The following STXBP5 variants were observed in gnomAD, a reference collection of about 807,000 sequenced individuals.
STXBP5 encodes the protein syntaxin-binding protein 5.
In STXBP5, 50 loss-of-function variants were observed where a neutral mutation model predicts 152.4. That is an observed-to-expected ratio of 0.33 (90% CI 0.26 to 0.42). The LOEUF (loss-of-function observed/expected upper bound fraction) is 0.42, where lower values mean the gene tolerates loss of function less well. STXBP5 is among the 10% of genes least tolerant of loss of function. The pLI, the probability that STXBP5 is intolerant of heterozygous loss-of-function variation, is 1.00. For synonymous variants in STXBP5, 492 were observed against 494.7 expected (o/e 0.99, Z 0.07); for missense variants, 1,167 against 1,388.6 (o/e 0.84, Z 2.54).
At chr6:147,357,233 T>C (rs1404183400) in intron 22 of STXBP5, among the ~76,000 whole-genome samples, 1 of 151,906 alleles carries the variant, frequency 6.6e-6, no homozygotes, top group African/African-American at 2.4e-5. Context: ...CTTCAGGAAG[T>C]TGACAGTAAC....
chr6:147,255,298 G>A lies in STXBP5; in HGVS notation c.432-5317G>A, dbSNP rs1779300814. On this transcript the variant is annotated intron_variant, in intron 4 of 27. Transcript: ENST00000321680. The stretch of plus-strand genomic sequence containing the variant: ...ACAGAAGTGAACATGATACGCTGAG[G>A]CGTGTCGGAGGGTGAGAGGCTAGGG... Among the ~76,000 whole-genome samples, 4 of 152,122 alleles carry A rather than the reference G, an allele frequency of 2.6e-5. No individual in the cohort carries two copies. The South Asian group carries it at 8.3e-4, about 31-fold the overall frequency.
intron 27 of STXBP5, 114 bp from the exon 28 acceptor site, chr6:147,384,600 G>A (rs1048579603): frequency 1.2e-5 from 12 of 1,010,210 alleles, no homozygotes; most frequent in Non-Finnish European, 1.8e-5. Context: ...GCATATAGTA[G>A]CACTACAGAA....
Position 147,237,341 on chromosome 6 carries a change from A to C in STXBP5, c.331-1829A>C, listed in dbSNP as rs1778328364. ...GTTTTTTTTGTTTTAAAAAGTGGAA[A>C]TCTGACAATTAGGTGCACCTATTTG... On this transcript the variant is annotated intron_variant, in intron 3 of 27. Transcript: ENST00000321680. Among the ~76,000 whole-genome samples, 3 of 152,226 alleles carry C rather than the reference A, an allele frequency of 2.0e-5. No individual in the cohort carries two copies. In the South Asian group the frequency reaches 6.2e-4, roughly 32 times the overall value.
intron 2 of STXBP5, among the ~76,000 whole-genome samples, chr6:147,214,377 A>G (rs1386606852): frequency 6.6e-6 from 1 of 152,146 alleles, no homozygotes; most frequent in Non-Finnish European, 1.5e-5. Context: ...TTACCATGTA[A>G]CTTATCTTTT....
At chr6:147,243,574 TTTAA>T (rs2115233881) in intron 4 of STXBP5, among the ~76,000 whole-genome samples, 1 of 152,302 alleles carries the variant, frequency 6.6e-6, no homozygotes, top group South Asian at 2.1e-4. Flanking sequence ...ATATTTCCTA[TTTAA>T]TTAAGTTTAG....
intron 2 of STXBP5, among the ~76,000 whole-genome samples, chr6:147,230,498 T>TA (rs1777944641): frequency 6.6e-6 from 1 of 152,010 alleles, no homozygotes; most frequent in Non-Finnish European, 1.5e-5. Context: ...TACTACAAGT[T>TA]ACATTTGGTC....
Position 147,363,708 on chromosome 6 carries a change from A to G in STXBP5, c.2915+4A>G. ...ATGGACATATAATGACTTTTAGGTA[A>G]GAGTTAGATATGTTTTAAAACACAG... is the stretch of plus-strand genomic sequence containing the variant. On this transcript the variant is annotated splice_donor_region_variant and intron_variant, in intron 24 of 27. Coordinates refer to ENST00000321680, the MANE Select transcript of STXBP5 (RefSeq NM_001127715.4). 1 of 1,596,988 alleles carries G rather than the reference A, an allele frequency of 6.3e-7. No homozygotes were observed.
chr6:147,279,821 C>A (rs968949754), intron 8 of STXBP5, among the ~76,000 whole-genome samples: 1 of 152,030 alleles, frequency 6.6e-6, no homozygotes, highest in African/African-American at 2.4e-5. Flanking sequence ...CTGGAACCTA[C>A]GAATTCAGAT....
intron 3 of STXBP5, among the ~76,000 whole-genome samples, chr6:147,237,614 T>TA (rs1382060376): frequency 6.6e-6 from 1 of 152,232 alleles, no homozygotes; most frequent in Non-Finnish European, 1.5e-5. Flanking sequence ...ACGATGCTTT[T>TA]AGTGAAATGG....
At chr6:147,332,556 G>A (rs1562251549) in intron 18 of STXBP5, among the ~76,000 whole-genome samples, 1 of 152,178 alleles carries the variant, frequency 6.6e-6, no homozygotes, top group African/African-American at 2.4e-5. Context: ...CACCTGGTGA[G>A]TTCAAGGAAC....
intron 3 of STXBP5, among the ~76,000 whole-genome samples, chr6:147,237,314 G>A (rs1022581926): frequency 8.6e-5 from 13 of 151,792 alleles, no homozygotes; most frequent in African/African-American, 2.9e-4. Context: ...CATAAAGATA[G>A]GGTTTTTTTT....
intron 10 of STXBP5, among the ~76,000 whole-genome samples, chr6:147,310,617 A>G (rs187327279): frequency 7.2e-5 from 11 of 152,258 alleles, no homozygotes; most frequent in African/African-American, 2.6e-4. Context: ...TGAAACCTGT[A>G]GAGCAGGCTA....
chr6:147,233,622 A>G (rs1778121724), intron 2 of STXBP5, among the ~76,000 whole-genome samples: 3 of 151,764 alleles, frequency 2.0e-5, no homozygotes. Flanking sequence ...GCCAGAAAGA[A>G]TAATTTAGCT....
intron 3 of STXBP5, among the ~76,000 whole-genome samples, chr6:147,235,724 A>C (rs1398308452): frequency 2.0e-5 from 3 of 152,206 alleles, no homozygotes; most frequent in African/African-American, 7.2e-5. Context: ...ACCAGCATTC[A>C]TTCATTAGAA....
chr6:147,383,069 A>G (rs1786171370), intron 27 of STXBP5, 71 bp downstream of exon 27: 8 of 1,520,348 alleles, frequency 5.3e-6, no homozygotes, highest in Admixed American at 1.9e-5. Flanking sequence ...CTTTATTTTT[A>G]TAGCTATTGT....
chr6:147,320,594 T>TGTGTAC (rs1554297920), intron 16 of STXBP5, among the ~76,000 whole-genome samples: 1 of 151,232 alleles, frequency 6.6e-6, no homozygotes, highest in South Asian at 2.1e-4. Flanking sequence ...TGTGTGTGTG[T>TGTGTAC]ACACATGCTT....
chr6:147,233,890 A>G (rs1413517462), intron 2 of STXBP5, among the ~76,000 whole-genome samples: 1 of 149,680 alleles, frequency 6.7e-6, no homozygotes. Context: ...TACTACTACT[A>G]CTATTACTAC....
At chr6:147,350,697 C>T (rs1496033) in intron 21 of STXBP5, among the ~76,000 whole-genome samples, 103,743 of 151,980 alleles carry the variant, frequency 0.68, 36,639 homozygotes, top group African/African-American at 0.88. Flanking sequence ...TTAGGTTATT[C>T]GCAAGTATAG....
intron 27 of STXBP5, 39 bp downstream of exon 27, chr6:147,383,037 G>T (rs1786169488): frequency 6.2e-7 from 1 of 1,601,098 alleles, no homozygotes; most frequent in Non-Finnish European, 8.5e-7. Flanking sequence ...AAAAGCTCTA[G>T]GTAAAGCAAG....
Sources: gnomAD v4.1 joint callset for allele counts (sites outside exome capture counted in the v4.1 genomes callset) on GRCh38, gnomAD v4.1.1 for gene constraint, MANE v1.5 for transcripts, NCBI Gene and HGNC (gene_info 2026-07-23, HGNC 2026-07-21) for gene names.